Variants in STX11 observed in about 807,000 individuals in gnomAD.
STX11 encodes syntaxin-11.
STX11 carries 21 observed loss-of-function variants against 19.9 expected under a neutral mutation model. That is an observed-to-expected ratio of 1.06 (90% CI 0.75 to 1.52). STX11 has a LOEUF of 1.52. Among genes scored for constraint, STX11 ranks in the 40% most tolerant of loss-of-function variants. The pLI is 0.00. For synonymous variants in STX11, 193 were observed against 174.4 expected, an observed-to-expected ratio of 1.11 and a Z score of -0.84; for missense variants, 438 against 405.9, an observed-to-expected ratio of 1.08 and a Z score of -0.68.
rs568384074 is a variant in STX11 at position 144,191,082 on chromosome 6, C to G, written c.*3591C>G. On this transcript the variant is annotated 3_prime_UTR_variant, in exon 2 of 2. Coordinates refer to ENST00000367568, the MANE Select transcript of STX11 (RefSeq NM_003764.4). ...TCTTTTAGGGTACAAAATGAAAGAA[C>G]AAATCACAAAGAACAATAGATCCTT... is the stretch of plus-strand genomic sequence containing the variant. 6.7e-4 allele frequency among the ~76,000 whole-genome samples: 102 copies of G among 151,678 alleles called. No individual in the cohort carries two copies. Among genetic ancestry groups the G allele is most frequent in the Non-Finnish European group, 4.1e-4 (28 of 67,928 alleles).
chr6:144,178,727 G>A (rs192198855), intron 1 of STX11, among the ~76,000 whole-genome samples: 1 of 152,046 alleles, frequency 6.6e-6, no homozygotes, highest in Non-Finnish European at 1.5e-5. Context: ...GACTTTTATC[G>A]TTATAAACCA....
In STX11 at chr6:144,176,343, T is replaced by G. The variant is rs954700595; in HGVS notation, c.-5-10280T>G. ...TTCTCTCTTACTCACTGGGTGAACT[T>G]AACTTCTCCGAGACCCAGTTATTAG... On this transcript the variant is annotated intron_variant, in intron 1 of 1. Coordinates refer to ENST00000367568, the MANE Select transcript of STX11 (RefSeq NM_003764.4). This position sits in a 1 kb window ranked among gnomAD's most constrained non-coding sequence, Gnocchi z 4.1. Among the ~76,000 whole-genome samples, 4 of 152,276 alleles carry G rather than the reference T, an allele frequency of 2.6e-5. No homozygotes were observed. Among genetic ancestry groups the G allele is most frequent in the Non-Finnish European group, 4.4e-5 (3 of 68,016 alleles).
chr6:144,158,107 T>G (rs1185438212), intron 1 of STX11, among the ~76,000 whole-genome samples: 1 of 152,198 alleles, frequency 6.6e-6, no homozygotes, highest in Non-Finnish European at 1.5e-5. Flanking sequence ...CCCAGAAGAT[T>G]TTGATACATG....
rs1801785247 is a variant in STX11 at position 144,176,624 on chromosome 6, A to G, written c.-5-9999A>G. Among the ~76,000 whole-genome samples, 1 of 152,182 alleles carries G rather than the reference A, an allele frequency of 6.6e-6. No individual in the cohort carries two copies. The highest frequency in any genetic ancestry group is 1.5e-5 in the Non-Finnish European group (1 of 68,026). On this transcript the variant is annotated intron_variant, in intron 1 of 1. Coordinates refer to ENST00000367568, the MANE Select transcript of STX11 (RefSeq NM_003764.4). This position sits in a 1 kb window ranked among gnomAD's most constrained non-coding sequence, Gnocchi z 4.1. ...CTCTAAAGGGAGTGAGAAGACTGTC[A>G]GTGGTGAGTGGAGATAACTGAGGAA... is the stretch of plus-strand genomic sequence containing the variant.
At chr6:144,161,657 C>G (rs370380269) in intron 1 of STX11, among the ~76,000 whole-genome samples, 1 of 152,116 alleles carries the variant, frequency 6.6e-6, no homozygotes, top group Non-Finnish European at 1.5e-5. Flanking sequence ...CATGAGCCAC[C>G]GCACCCGGCC....
At chr6:144,149,258 G>C (rs578240239), upstream of STX11, among the ~76,000 whole-genome samples, 2 of 152,260 alleles carry the variant, frequency 1.3e-5, no homozygotes, top group South Asian at 4.1e-4. The surrounding 1 kb of genome is among the most constrained non-coding windows in gnomAD (Gnocchi z 5.1). Context: ...CTGTATAGGA[G>C]ATTTGTCTCC....
rs1225794892 is a variant in STX11, at chr6:144,151,292, A to C, written c.-6+589A>C. 1 of 985,226 alleles carries C rather than the reference A, an allele frequency of 1.0e-6. No homozygotes were observed. Among genetic ancestry groups the C allele is most frequent in the Admixed American group, 6.2e-5 (1 of 16,258 alleles). 61.0% of individuals were successfully genotyped at this position (985,226 alleles called of 1,614,324 possible). On this transcript the variant is annotated intron_variant, in intron 1 of 1. Transcript: ENST00000367568. This position sits in a 1 kb window ranked among gnomAD's most constrained non-coding sequence, Gnocchi z 4.6. ...GAGAGCCACGCCGTCCTGAGAGGGA[A>C]TTCTGCCTTTTTCTAGACTCCGCTG...
rs1227751410 is a variant in STX11, at chr6:144,159,316, A to G, written c.-6+8613A>G. Reference sequence around the variant, plus strand: ...TTGAATATGTTATCAAACAACTACCAATAAAATATGGTGAGTACCAGAAAA... The same window carrying G: ...TTGAATATGTTATCAAACAACTACCGATAAAATATGGTGAGTACCAGAAAA... On this transcript the variant is annotated intron_variant, in intron 1 of 1. Coordinates refer to ENST00000367568, the MANE Select transcript of STX11 (RefSeq NM_003764.4). This position sits in a 1 kb window ranked among gnomAD's most constrained non-coding sequence, Gnocchi z 4.3. Among the ~76,000 whole-genome samples, 1 of 152,228 alleles carries G rather than the reference A, an allele frequency of 6.6e-6. No individual in the cohort carries two copies. Among genetic ancestry groups the G allele is most frequent in the East Asian group, 1.9e-4 (1 of 5,204 alleles).
chr6:144,172,280 C>T lies in STX11; in HGVS notation c.-5-14343C>T, dbSNP rs1465952365. On this transcript the variant is annotated intron_variant, in intron 1 of 1. Coordinates refer to ENST00000367568, the MANE Select transcript of STX11 (RefSeq NM_003764.4). This position sits in a 1 kb window ranked among gnomAD's most constrained non-coding sequence, Gnocchi z 4.2. ...ATAGTAAGCACCTGTGATTCTTCTA[C>T]GGATCTCACCTGGACTCAGTCATGC... Among the ~76,000 whole-genome samples, 2 of 152,166 alleles carry T rather than the reference C, an allele frequency of 1.3e-5. No homozygotes were observed. Among genetic ancestry groups the T allele is most frequent in the Non-Finnish European group, 2.9e-5 (2 of 68,020 alleles).
At chr6:144,173,186 G>A (rs369835267) in intron 1 of STX11, among the ~76,000 whole-genome samples, 145 of 152,292 alleles carry the variant, frequency 9.5e-4, no homozygotes, top group African/African-American at 3.2e-3. Context: ...CCTTTGAAAA[G>A]TCTTTGTATT....
Position 144,184,899 on chromosome 6 carries a change from T to G in STX11, c.-5-1724T>G, listed in dbSNP as rs1469376353. On this transcript the variant is annotated intron_variant, in intron 1 of 1. Transcript: ENST00000367568. The surrounding 1 kb of genome is among the most constrained non-coding windows in gnomAD (Gnocchi z 6.5). ...TCTTAACCTCTTGTCTGTCATATAT[T>G]ATAATTTCTCCCCAGTTGGTGGTTT... Among the ~76,000 whole-genome samples the G allele has an allele frequency of 6.6e-6, 1 of 152,238 alleles. No homozygotes were observed. Among genetic ancestry groups the G allele is most frequent in the Non-Finnish European group, 1.5e-5 (1 of 68,046 alleles).
At position 144,155,785 on chromosome 6, in the gene STX11, C is replaced by T. The variant is rs1213398869; in HGVS notation, c.-6+5082C>T. Among the ~76,000 whole-genome samples, 1 of 152,106 alleles carries T rather than the reference C, an allele frequency of 6.6e-6. No individual in the cohort carries two copies. The highest frequency in any genetic ancestry group is 2.4e-5 in the African/African-American group (1 of 41,402). On this transcript the variant is annotated intron_variant, in intron 1 of 1. Coordinates refer to ENST00000367568, the MANE Select transcript of STX11 (RefSeq NM_003764.4). This position sits in a 1 kb window ranked among gnomAD's most constrained non-coding sequence, Gnocchi z 4.5. ...AGAGTAAGTCATTTCTTGGCCACTC[C>T]TTCTGAGTTTATGGATACCAGACAT...
chr6:144,185,380 A>G lies in STX11; in HGVS notation c.-5-1243A>G, dbSNP rs141206033. On this transcript the variant is annotated intron_variant, in intron 1 of 1. Coordinates refer to ENST00000367568, the MANE Select transcript of STX11 (RefSeq NM_003764.4). Reference sequence around the variant, plus strand: ...ACTACTTTTCCCCTCTTTGCTGCAAATTGTGTAGTAGAAAAAGAATCTTTC... The same window carrying G: ...ACTACTTTTCCCCTCTTTGCTGCAAGTTGTGTAGTAGAAAAAGAATCTTTC... 2.3e-3 allele frequency among the ~76,000 whole-genome samples: 358 copies of G among 152,346 alleles called. 1 individual carries two copies. The highest frequency in any genetic ancestry group is 5.2e-3 in the South Asian group (25 of 4,832).
chr6:144,173,657 G>A (rs1402701177), intron 1 of STX11, among the ~76,000 whole-genome samples: 2 of 152,088 alleles, frequency 1.3e-5, no homozygotes, highest in Non-Finnish European at 2.9e-5. Flanking sequence ...GGAGATCTTT[G>A]CAGCGAGATG....
rs181486332 is a variant in STX11 at position 144,155,843 on chromosome 6, G to A, written c.-6+5140G>A. Among the ~76,000 whole-genome samples, 1 of 152,204 alleles carries A rather than the reference G, an allele frequency of 6.6e-6. No homozygotes were observed. Among genetic ancestry groups the A allele is most frequent in the East Asian group, 1.9e-4 (1 of 5,182 alleles). ...GTATTTCATTCAACTTCTTTGTAAG[G>A]CTCAGTAATTGGGTAATTTTTAGAA... On this transcript the variant is annotated intron_variant, in intron 1 of 1. Coordinates refer to ENST00000367568, the MANE Select transcript of STX11 (RefSeq NM_003764.4). The surrounding 1 kb of genome is among the most constrained non-coding windows in gnomAD (Gnocchi z 4.5).
chr6:144,186,070 G>C (rs1199216544), intron 1 of STX11, among the ~76,000 whole-genome samples: 3 of 119,942 alleles, frequency 2.5e-5, no homozygotes, highest in African/African-American at 1.0e-4. Context: ...TTTTTTTTCT[G>C]TGTCTGTTTT....
In STX11 at chr6:144,159,184, C is replaced by G. The variant is rs769871425; in HGVS notation, c.-6+8481C>G. ...GCGTATTTATTCAACAACTATTTAT[C>G]GAGGCTTTCCTATATGCCGGGTGCT... On this transcript the variant is annotated intron_variant, in intron 1 of 1. Coordinates refer to ENST00000367568, the MANE Select transcript of STX11 (RefSeq NM_003764.4). This position sits in a 1 kb window ranked among gnomAD's most constrained non-coding sequence, Gnocchi z 4.3. Among the ~76,000 whole-genome samples the G allele has an allele frequency of 1.3e-5, 2 of 152,146 alleles. No individual in the cohort carries two copies. The highest frequency in any genetic ancestry group is 4.8e-5 in the African/African-American group (2 of 41,422).
At chr6:144,166,365 A>C (rs1801477330) in intron 1 of STX11, among the ~76,000 whole-genome samples, 1 of 152,206 alleles carries the variant, frequency 6.6e-6, no homozygotes, top group Non-Finnish European at 1.5e-5. Context: ...TAGATGCTTC[A>C]AGATTTTCAC....
At chr6:144,149,944 C>T (rs1351877312), upstream of STX11, among the ~76,000 whole-genome samples, 1 of 152,038 alleles carries the variant, frequency 6.6e-6, no homozygotes, top group Non-Finnish European at 1.5e-5. The surrounding 1 kb of genome is among the most constrained non-coding windows in gnomAD (Gnocchi z 5.1). Flanking sequence ...GCGGTGGGCA[C>T]ACAAGGGGAC....
Sources: gnomAD v4.1 joint callset for allele counts (sites outside exome capture counted in the v4.1 genomes callset) on GRCh38, gnomAD v4.1.1 for gene constraint, Gnocchi (gnomAD v3.1) non-coding constraint, MANE v1.5 for transcripts, NCBI Gene and HGNC (gene_info 2026-07-23, HGNC 2026-07-21) for gene names.